TMEM208: variants seen among roughly 807,000 people sequenced by gnomAD.
TMEM208 encodes the protein transmembrane protein 208, also known as SRP-independent targeting 2 homolog.
A neutral mutation model predicts 26.4 loss-of-function variants in TMEM208; 19 were observed. The observed-to-expected ratio is 0.72, with a 90% CI of 0.50 to 1.06. The LOEUF (loss-of-function observed/expected upper bound fraction) is 1.06, where lower values mean the gene tolerates loss of function less well. Ranked by LOEUF, TMEM208 falls within the 50% of genes least tolerant of loss-of-function variation. The pLI is 0.00. For synonymous variants in TMEM208, 93 were observed against 83.1 expected, an observed-to-expected ratio of 1.12 and a Z score of -0.65; for missense variants, 183 against 219.8, an observed-to-expected ratio of 0.83 and a Z score of 1.06.
intron 4 of TMEM208, 22 bp downstream of exon 4, chr16:67,228,653 C>T (rs368540008): frequency 2.6e-6 from 4 of 1,545,744 alleles, no homozygotes; most frequent in Non-Finnish European, 3.5e-6. Context: ...CCACCGCCAG[C>T]CCAGGTGAGC....
At chr16:67,228,091 AAC>A in intron 2 of TMEM208, 160 bp downstream of exon 2, 2 of 666,368 alleles carry the variant, frequency 3.0e-6, no homozygotes, top group Non-Finnish European at 2.5e-6. Flanking sequence ...TAACTAGTAA[AAC>A]ACAAAGAAAA....
chr16:67,227,620 C>T, intron 1 of TMEM208: 1 of 579,408 alleles, frequency 1.7e-6, no homozygotes, highest in Non-Finnish European at 3.0e-6. Context: ...CCAGGGCGAG[C>T]AAGAGGCGAT....
chr16:67,228,464 G>C, intron 3 of TMEM208, 31 bp from the exon 4 acceptor site: 1 of 1,613,946 alleles, frequency 6.2e-7, no homozygotes, highest in South Asian at 1.1e-5. Context: ...GTCAGTGGCT[G>C]GCCTTTGATA....
At chr16:67,228,238 C>T in intron 2 of TMEM208, 117 bp from the exon 3 acceptor site, 10 of 1,186,306 alleles carry the variant, frequency 8.4e-6, no homozygotes, top group Non-Finnish European at 1.3e-5. Flanking sequence ...TTTCTTCAAC[C>T]CTGTAAGAAC....
chr16:67,227,807 C>T (rs1383612804), intron 1 of TMEM208, 29 bp from the exon 2 acceptor site: 5 of 1,564,682 alleles, frequency 3.2e-6, no homozygotes, highest in East Asian at 4.6e-5. Flanking sequence ...ACCGTGGCCT[C>T]CTGACGGCAT....
At chr16:67,228,040 C>A in intron 2 of TMEM208, 109 bp downstream of exon 2, 1 of 857,174 alleles carries the variant, frequency 1.2e-6, no homozygotes. Context: ...AAGAGAGCTC[C>A]AGTCAAAAAG....
intron 1 of TMEM208, chr16:67,227,527 A>G (rs2034067495): frequency 3.6e-6 from 2 of 560,874 alleles, no homozygotes; most frequent in Non-Finnish European, 3.1e-6. Flanking sequence ...AACTCCGCTC[A>G]GGAGTACCCT....
intron 5 of TMEM208, 44 bp downstream of exon 5, chr16:67,228,925 C>A (rs935705081): frequency 2.3e-5 from 37 of 1,612,424 alleles, no homozygotes; most frequent in Non-Finnish European, 3.1e-5. Context: ...ATCTAACCCT[C>A]CCCATCTTTT....
chr16:67,227,293 A>G, intron 1 of TMEM208, 69 bp downstream of exon 1: 1 of 1,577,748 alleles, frequency 6.3e-7, no homozygotes. Flanking sequence ...GTGAAAACTG[A>G]GAAAGAACAT....
chr16:67,229,138 A>C lies in TMEM208; in HGVS notation c.*25A>C, dbSNP rs757349795. ...GCCATTGACATTGTGGCCACAGGCC[A>C]CTGGCCCTGGGTGGCTCTGTCAGGG... On this transcript the variant is annotated 3_prime_UTR_variant, in exon 6 of 6. Transcript: ENST00000304800. 6.4e-7 allele frequency: 1 copy of C among 1,568,406 alleles called. No homozygotes were observed. The highest frequency in any genetic ancestry group is 1.2e-5 in the South Asian group (1 of 84,734).
At position 67,228,831 on chromosome 16, in the gene TMEM208, G is replaced by T; in HGVS notation, c.334G>T (p.Val112Leu). 6.2e-7 allele frequency: 1 copy of T among 1,613,970 alleles called. No homozygotes were observed. Among genetic ancestry groups the T allele is most frequent in the Non-Finnish European group, 8.5e-7 (1 of 1,179,870 alleles). ...LKDVILLTAI[V>L]QVLSCFSLYV... is the part of the protein sequence containing the mutation. ...GGATGTGATCCTACTGACAGCCATC[G>T]TGCAGGTGCTCAGCTGCTTCTCTCT... The change falls in exon 5 of 6, where the codon GTG becomes TTG. Residue 112 changes from valine to leucine, a missense_variant. Coordinates refer to ENST00000304800, the MANE Select transcript of TMEM208 (RefSeq NM_014187.4).
Position 67,228,339 on chromosome 16 carries a change from C to G in TMEM208, c.103-16C>G, listed in dbSNP as rs930613448. 8 of 1,613,826 alleles carry G rather than the reference C, an allele frequency of 5.0e-6. No individual in the cohort carries two copies. In the African/African-American group the frequency reaches 9.3e-5, roughly 19 times the overall value. ...GGTAACTTCTGACCCCAACCTGATC[C>G]TGTGATTGCTTGCAGGCCATTTACT... On this transcript the variant is annotated splice_polypyrimidine_tract_variant and intron_variant, in intron 2 of 5. Coordinates refer to ENST00000304800, the MANE Select transcript of TMEM208 (RefSeq NM_014187.4).
At chr16:67,228,141 C>T (rs930690074) in intron 2 of TMEM208, 1 of 658,088 alleles carries the variant, frequency 1.5e-6, no homozygotes, top group Admixed American at 2.9e-5. Context: ...AGAGCTCTTC[C>T]TACCTCCAAG....
At chr16:67,228,032 G>T (rs1218052791) in intron 2 of TMEM208, 101 bp downstream of exon 2, 9 of 896,914 alleles carry the variant, frequency 1.0e-5, no homozygotes, top group Non-Finnish European at 1.5e-5. Flanking sequence ...AGCTCTAGAA[G>T]AGAGCTCCAG....
In TMEM208 at chr16:67,227,629, A is replaced by AT. The variant is rs770925398; in HGVS notation, c.7-205dup. 1.9e-5 allele frequency: 11 copies of AT among 580,784 alleles called. No homozygotes were observed. In the South Asian group the frequency reaches 2.2e-4, roughly 11 times the overall value. 36.0% of individuals were successfully genotyped at this position (580,784 alleles called of 1,614,324 possible). A position where few individuals can be genotyped will look rare whatever the true frequency, so the allele number is the denominator to read the frequency against. ...ATTGTTCCAGGGCGAGCAAGAGGCG[A>AT]TTGATCCTAGCTGCGGGTGCTGGAG... On this transcript the variant is annotated intron_variant, in intron 1 of 5. Coordinates refer to ENST00000304800, the MANE Select transcript of TMEM208 (RefSeq NM_014187.4).
Position 67,228,849 on chromosome 16 carries a change from TTC to T in TMEM208, c.360_361del (p.Tyr121CysfsTer38). Reference sequence around the variant, plus strand: ...AGCCATCGTGCAGGTGCTCAGCTGCTTCTCTCTCTATGTCTGGTCCTTCTGGC... The same window carrying T: ...AGCCATCGTGCAGGTGCTCAGCTGCTTCTCTCTATGTCTGGTCCTTCTGGC... ...LTAIVQVLSCFSLYVWSFWLL... is the reference protein window; with the variant it reads ...LTAIVQVLSCXSLYVWSFWLL... On this transcript the variant is annotated frameshift_variant, in exon 5 of 6. Transcript: ENST00000304800. LOFTEE classifies it high-confidence loss of function. 1 of 1,613,994 alleles carries T rather than the reference TTC, an allele frequency of 6.2e-7. No individual in the cohort carries two copies. Among genetic ancestry groups the T allele is most frequent in the Non-Finnish European group, 8.5e-7 (1 of 1,179,882 alleles).
intron 2 of TMEM208, 58 bp from the exon 3 acceptor site, chr16:67,228,297 G>GA: frequency 6.3e-7 from 1 of 1,585,084 alleles, no homozygotes. Flanking sequence ...AGAGTTGAGG[G>GA]AGACCCATGG....
chr16:67,227,319 GGGCCAGAGCGGGGCGCCATCCCT>G, intron 1 of TMEM208, 95 bp downstream of exon 1: 1 of 1,514,972 alleles, frequency 6.6e-7, no homozygotes. Flanking sequence ...GATATGGGGT[GGGCCAGAGCGGGGCGCCATCCCT>G]GGCCAGACCG....
Position 67,227,153 on chromosome 16 carries a change from G to GGT in TMEM208, c.-64_-63dup. The GGT allele has an allele frequency of 6.2e-7, 1 of 1,603,904 alleles. No individual in the cohort carries two copies. Among genetic ancestry groups the GGT allele is most frequent in the East Asian group, 2.2e-5 (1 of 44,678 alleles). On this transcript the variant is annotated 5_prime_UTR_variant, in exon 1 of 6. The change abolishes the stop of an existing upstream ORF in the 5' untranslated region. Coordinates refer to ENST00000304800, the MANE Select transcript of TMEM208 (RefSeq NM_014187.4). Reference sequence around the variant, plus strand: ...CCGGAAGTGCATGAGCTGCCGATGTGGTGCTTAGTGATTGCGGTTTCGGTC... The same window carrying GGT: ...CCGGAAGTGCATGAGCTGCCGATGTGGTGTGCTTAGTGATTGCGGTTTCGGTC...
Sources: gnomAD v4.1 joint callset for allele counts on GRCh38, gnomAD v4.1.1 for gene constraint, MANE v1.5 for transcripts, NCBI Gene and HGNC (gene_info 2026-07-23, HGNC 2026-07-21) for gene names.